The following KIAA1217 variants were observed in gnomAD, a reference collection of about 807,000 sequenced individuals.
KIAA1217 encodes KIAA1217.
Under a neutral mutation model 163.9 loss-of-function variants are expected in KIAA1217, and 88 were observed. The ratio of observed to expected loss-of-function variants is 0.54; its 90% CI spans 0.45 to 0.64. The LOEUF is 0.64. KIAA1217 is among the 30% of genes least tolerant of loss of function. The pLI, the probability that KIAA1217 is intolerant of heterozygous loss-of-function variation, is 0.00. For synonymous variants in KIAA1217, 903 were observed against 923.1 expected (o/e 0.98, Z 0.39); for missense variants, 2,372 against 2,475.0 (o/e 0.96, Z 0.88).
At chr10:24,182,363 G>A (rs1380776863) in intron 2 of KIAA1217, among the ~76,000 whole-genome samples, 1 of 151,924 alleles carries the variant, frequency 6.6e-6, no homozygotes, top group African/African-American at 2.4e-5. Context: ...TTGAACCCGG[G>A]GAGGTGGGGG....
At chr10:24,295,491 C>T (rs2040481446) in intron 2 of KIAA1217, among the ~76,000 whole-genome samples, 1 of 152,160 alleles carries the variant, frequency 6.6e-6, no homozygotes, top group Non-Finnish European at 1.5e-5. Context: ...CTTTCAGCCT[C>T]AATTTCCTTT....
At chr10:23,902,314 C>T (rs919723486) in intron 1 of KIAA1217, among the ~76,000 whole-genome samples, 3 of 151,948 alleles carry the variant, frequency 2.0e-5, no homozygotes, top group Non-Finnish European at 2.9e-5. Flanking sequence ...GTGGGAGCTA[C>T]GTGATAAGAA....
chr10:24,300,183 T>C (rs531155051), intron 2 of KIAA1217, among the ~76,000 whole-genome samples: 5 of 152,260 alleles, frequency 3.3e-5, no homozygotes, highest in Non-Finnish European at 5.9e-5. Flanking sequence ...ACATGAGTTA[T>C]AAATTTTGCA....
chr10:24,272,620 A>G (rs2076881623), intron 2 of KIAA1217, among the ~76,000 whole-genome samples: 1 of 152,244 alleles, frequency 6.6e-6, no homozygotes, highest in South Asian at 2.1e-4. Flanking sequence ...GCCACATTCC[A>G]GCCAAATTGA....
At chr10:23,851,357 G>A (rs914808957) in intron 1 of KIAA1217, among the ~76,000 whole-genome samples, 1 of 152,066 alleles carries the variant, frequency 6.6e-6, no homozygotes, top group Admixed American at 6.6e-5. Flanking sequence ...CATTTTTATG[G>A]CTGCATAGTA....
intron 6 of KIAA1217, among the ~76,000 whole-genome samples, chr10:24,477,951 G>A (rs1005794874): frequency 3.3e-5 from 5 of 152,182 alleles, no homozygotes; most frequent in Non-Finnish European, 7.4e-5. Flanking sequence ...GCACAGGGTC[G>A]TATAAAGAAC....
intron 2 of KIAA1217, among the ~76,000 whole-genome samples, chr10:24,375,975 TCTAA>T (rs2052431073): frequency 6.6e-6 from 1 of 152,218 alleles, no homozygotes; most frequent in Non-Finnish European, 1.5e-5. Context: ...TACCTCTAGC[TCTAA>T]CTTTCTTTTA....
intron 1 of KIAA1217, among the ~76,000 whole-genome samples, chr10:23,724,240 A>G (rs762205135): frequency 3.9e-5 from 6 of 152,018 alleles, no homozygotes; most frequent in African/African-American, 1.2e-4. Flanking sequence ...TCCAAACTAT[A>G]TCACCTTGGT....
intron 9 of KIAA1217, among the ~76,000 whole-genome samples, chr10:24,504,793 T>C (rs916259167): frequency 2.0e-5 from 3 of 152,240 alleles, no homozygotes; most frequent in Non-Finnish European, 2.9e-5. Flanking sequence ...CATTTCATTT[T>C]CAAAACTGAT....
At chr10:24,185,613 G>A (rs2066390805) in intron 2 of KIAA1217, among the ~76,000 whole-genome samples, 1 of 152,006 alleles carries the variant, frequency 6.6e-6, no homozygotes, top group Non-Finnish European at 1.5e-5. Context: ...TGGCCAACAT[G>A]GTGAAGACCC....
intron 1 of KIAA1217, among the ~76,000 whole-genome samples, chr10:24,217,992 C>A (rs894785894): frequency 1.3e-5 from 2 of 152,110 alleles, no homozygotes; most frequent in African/African-American, 4.8e-5. Flanking sequence ...AGCCAAGATT[C>A]CTGAGATCCA....
intron 2 of KIAA1217, among the ~76,000 whole-genome samples, chr10:24,119,315 T>G (rs1209425404): frequency 1.3e-5 from 2 of 152,262 alleles, no homozygotes; most frequent in Non-Finnish European, 2.9e-5. Context: ...TTTCAACTTT[T>G]GTCGACTTCT....
intron 1 of KIAA1217, among the ~76,000 whole-genome samples, chr10:23,780,606 T>C (rs1480161938): frequency 6.6e-6 from 1 of 152,232 alleles, no homozygotes; most frequent in Non-Finnish European, 1.5e-5. Flanking sequence ...ATCTTCTTTC[T>C]TAAAGTTGCA....
intron 2 of KIAA1217, among the ~76,000 whole-genome samples, chr10:24,258,504 T>C (rs1463193768): frequency 1.3e-5 from 2 of 151,838 alleles, no homozygotes; most frequent in East Asian, 1.9e-4. Flanking sequence ...TAAGCCTTAC[T>C]ACTAGCCTAA....
chr10:23,958,782 T>C (rs1371334115), intron 1 of KIAA1217, among the ~76,000 whole-genome samples: 2 of 152,020 alleles, frequency 1.3e-5, no homozygotes, highest in Admixed American at 6.6e-5. Flanking sequence ...ATGCGAAAGC[T>C]GATTTGCTGC....
intron 1 of KIAA1217, among the ~76,000 whole-genome samples, chr10:23,787,954 A>T (rs1835569043): frequency 6.6e-6 from 1 of 151,976 alleles, no homozygotes; most frequent in African/African-American, 2.4e-5. Flanking sequence ...CAGGATTTTG[A>T]GATGTTCAAG....
intron 1 of KIAA1217, among the ~76,000 whole-genome samples, chr10:24,002,544 T>A (rs1846793822): frequency 1.3e-5 from 2 of 152,246 alleles, no homozygotes; most frequent in African/African-American, 2.4e-5. Flanking sequence ...CGACTTCAGA[T>A]GTTACCTTGC....
In KIAA1217 at chr10:24,533,207, A is replaced by T; in HGVS notation, c.3384A>T (p.Glu1128Asp). The change falls in exon 16 of 21, where the codon GAA (glutamate) becomes GAT (aspartate). Residue 1128 changes from glutamate (E) to aspartate (D), a missense_variant. Glu to Asp is a conservative substitution (Grantham distance 45). Around this residue, in one of 3 missense-constraint regions of KIAA1217, gnomAD observed 1,431 missense variants for 1,470.3 expected, o/e 0.97. Transcript: ENST00000376454. ...SSSKDEEEEE[E>D]EGDKIMAELQ... is the part of the protein sequence containing the mutation. ...CAAAGGATGAGGAGGAAGAAGAAGA[A>T]GAAGGAGACAAAATAATGGCAGAAC... 1 of 1,613,104 alleles carries T rather than the reference A, an allele frequency of 6.2e-7. No individual in the cohort carries two copies. Among genetic ancestry groups the T allele is most frequent in the Non-Finnish European group, 8.5e-7 (1 of 1,179,770 alleles).
At chr10:23,764,006 C>T (rs571611858) in intron 1 of KIAA1217, among the ~76,000 whole-genome samples, 61 of 152,166 alleles carry the variant, frequency 4.0e-4, no homozygotes, top group Middle Eastern at 3.4e-3. Context: ...AAACTATCAT[C>T]AAAGTGAACA....
Sources: allele counts gnomAD v4.1 joint callset (sites outside exome capture counted in the v4.1 genomes callset), GRCh38; gene constraint gnomAD v4.1.1; regional missense constraint gnomAD v4.1.1; transcripts MANE v1.5; gene names NCBI Gene and HGNC (gene_info 2026-07-23, HGNC 2026-07-21).